Variants in PRDM11 observed in about 807,000 individuals in gnomAD.
PRDM11 encodes PR domain-containing protein 11.
PRDM11 carries 20 observed loss-of-function variants against 97.8 expected under a neutral mutation model. That is an observed-to-expected ratio of 0.20 (90% confidence interval 0.14 to 0.30). The LOEUF is 0.30. PRDM11 is among the 10% of genes least tolerant of loss of function. The pLI is 1.00. For missense variants in PRDM11, 1,139 were observed against 1,555.2 expected, an observed-to-expected ratio of 0.73 and a Z score of 4.50; for synonymous variants, 599 against 637.7, an observed-to-expected ratio of 0.94 and a Z score of 0.91.
At chr11:45,184,466 A>G (rs1852630933) in intron 4 of PRDM11, among the ~76,000 whole-genome samples, 1 of 152,166 alleles carries the variant, frequency 6.6e-6, no homozygotes, top group Non-Finnish European at 1.5e-5. Context: ...GTAGTCGGCA[A>G]TGGTGGAAGA....
At chr11:45,101,609 G>A (rs1301176322) in intron 1 of PRDM11, among the ~76,000 whole-genome samples, 1 of 149,634 alleles carries the variant, frequency 6.7e-6, no homozygotes, top group East Asian at 2.0e-4. Context: ...AGGCGTTCAG[G>A]GCTCAGAGCT....
upstream of PRDM11, among the ~76,000 whole-genome samples, chr11:45,145,737 G>C (rs1025637218): frequency 4.6e-5 from 7 of 152,170 alleles, no homozygotes; most frequent in Admixed American, 3.3e-4. Context: ...GGGAATGGTT[G>C]TCCTGGTTAC....
At chr11:45,189,367 G>T (rs1852826924) in intron 4 of PRDM11, among the ~76,000 whole-genome samples, 1 of 151,496 alleles carries the variant, frequency 6.6e-6, no homozygotes, top group Admixed American at 6.7e-5. Context: ...GTGAAGCCAG[G>T]AATGAAGCTA....
At chr11:45,177,371 A>G (rs1852353883) in intron 1 of PRDM11, among the ~76,000 whole-genome samples, 3 of 152,188 alleles carry the variant, frequency 2.0e-5, no homozygotes, top group South Asian at 4.1e-4. Flanking sequence ...CCTTCCCCCA[A>G]GACTTTTGCT....
rs1399202414 is a variant in PRDM11 at position 45,233,335 on chromosome 11, C to G, written c.*5176C>G. 1 of 152,104 alleles carries G rather than the reference C, an allele frequency of 6.6e-6. No individual in the cohort carries two copies. The allele number at this position is 152,104 out of a possible 1,614,324, so 9.4% of individuals were successfully genotyped here. A position where few individuals can be genotyped will look rare whatever the true frequency, so the allele number is the denominator to read the frequency against. ...GCTGGGTCCCGGCTCGCTCCATGCA[C>G]TTTCTCTCCTTTTCCACAGGCTTGG... On this transcript the variant is annotated 3_prime_UTR_variant, in exon 8 of 8. Transcript: ENST00000683152.
rs916422222 is a variant in PRDM11 at position 45,229,632 on chromosome 11, G to A, written c.*1473G>A. 2 of 152,094 alleles carry A rather than the reference G, an allele frequency of 1.3e-5. No homozygotes were observed. Among genetic ancestry groups the A allele is most frequent in the East Asian group, 1.9e-4 (1 of 5,194 alleles). The allele number at this position is 152,094 out of a possible 1,614,324, so 9.4% of individuals were successfully genotyped here. ...ATGCTCTTTCATTCATTTAACTACCGGTATACCTCGCAAGGGAGTTTTAAA... is the reference window on the plus strand; with the variant it reads ...ATGCTCTTTCATTCATTTAACTACCAGTATACCTCGCAAGGGAGTTTTAAA... On this transcript the variant is annotated 3_prime_UTR_variant, in exon 8 of 8. Coordinates refer to ENST00000683152, the MANE Select transcript of PRDM11 (RefSeq NM_001384648.1).
At chr11:45,163,247 G>C (rs371441282) in intron 1 of PRDM11, among the ~76,000 whole-genome samples, 9 of 152,360 alleles carry the variant, frequency 5.9e-5, no homozygotes, top group African/African-American at 1.9e-4. Context: ...CAGCATGCGT[G>C]CTGACCCTTC....
chr11:45,148,272 G>T (rs1424924221), intron 1 of PRDM11, among the ~76,000 whole-genome samples: 2 of 152,152 alleles, frequency 1.3e-5, no homozygotes, highest in African/African-American at 2.4e-5. Context: ...TCTGACTTTG[G>T]ACTTCACATC....
At chr11:45,197,778 A>G (rs1312764372) in intron 4 of PRDM11, among the ~76,000 whole-genome samples, 1 of 152,112 alleles carries the variant, frequency 6.6e-6, no homozygotes, top group Non-Finnish European at 1.5e-5. Flanking sequence ...AGGACAGAAA[A>G]CCAAACACTG....
At chr11:45,152,527 A>T (rs1168997733) in intron 1 of PRDM11, among the ~76,000 whole-genome samples, 1 of 152,018 alleles carries the variant, frequency 6.6e-6, no homozygotes, top group African/African-American at 2.4e-5. Context: ...GTTCCCAGAG[A>T]GCTGGGTTTT....
rs146339569 is a variant in PRDM11 at position 45,224,833 on chromosome 11, G to A, written c.1359G>A (p.Ser453=). The part of the protein sequence containing the change: ...PPQVLELPEF[S]DPAASESMVS... ...AGGTACTGGAGCTCCCAGAGTTCTC[G>A]GACCCTGCAGGTAAGTTGGTTTGGA... The change falls in exon 7 of 8, where the codon TCG becomes TCA. Residue 453 remains serine (S), a synonymous_variant. Coordinates refer to ENST00000683152, the MANE Select transcript of PRDM11 (RefSeq NM_001384648.1). 23 of 1,613,710 alleles carry A rather than the reference G, an allele frequency of 1.4e-5. No homozygotes were observed. The highest frequency in any genetic ancestry group is 1.7e-5 in the Admixed American group (1 of 59,998).
intron 1 of PRDM11, among the ~76,000 whole-genome samples, chr11:45,118,770 G>A (rs962311812): frequency 6.6e-6 from 1 of 152,088 alleles, no homozygotes; most frequent in African/African-American, 2.4e-5. Flanking sequence ...ATGACAAAAT[G>A]TTTTTCCTCC....
intron 1 of PRDM11, among the ~76,000 whole-genome samples, chr11:45,167,775 ACACACACACACACAC>A (rs1852101661): frequency 6.8e-6 from 1 of 147,486 alleles, no homozygotes; most frequent in African/African-American, 2.6e-5. Flanking sequence ...ACACACACAC[ACACACACACACACAC>A]ACACACACAC....
At chr11:45,179,270 C>G (rs1295070177) in intron 1 of PRDM11, among the ~76,000 whole-genome samples, 1 of 152,102 alleles carries the variant, frequency 6.6e-6, no homozygotes, top group Non-Finnish European at 1.5e-5. Flanking sequence ...TTGAAGCCAC[C>G]CCTTGATGAT....
In PRDM11 at chr11:45,219,121, A is replaced by G. The variant is rs922724202; in HGVS notation, c.555-449A>G. ...CCTTGTCACAGGGGCTATTTCAGCA[A>G]GGCTTTGTGAAATACTGGAAACAGT... On this transcript the variant is annotated intron_variant, in intron 5 of 7. Coordinates refer to ENST00000683152, the MANE Select transcript of PRDM11 (RefSeq NM_001384648.1). This position sits in a 1 kb window ranked among gnomAD's most constrained non-coding sequence, Gnocchi z 4.2. Among the ~76,000 whole-genome samples the G allele has an allele frequency of 1.3e-5, 2 of 152,222 alleles. No individual in the cohort carries two copies. Among genetic ancestry groups the G allele is most frequent in the Admixed American group, 6.5e-5 (1 of 15,286 alleles).
At chr11:45,163,567 C>T (rs1467417423) in intron 1 of PRDM11, among the ~76,000 whole-genome samples, 2 of 152,218 alleles carry the variant, frequency 1.3e-5, no homozygotes. Flanking sequence ...CCCACCTCCA[C>T]TCAGATTTGC....
At chr11:45,216,618 T>C (rs1198117875) in intron 5 of PRDM11, among the ~76,000 whole-genome samples, 1 of 152,200 alleles carries the variant, frequency 6.6e-6, no homozygotes, top group African/African-American at 2.4e-5. Flanking sequence ...GTCAGGGGAA[T>C]GGGTTGTGAT....
Position 45,219,784 on chromosome 11 carries a change from C to CGCCCACCTCTGA in PRDM11, c.742+32_742+43dup. ...TGAGTGCCATGCTCCACATGAGCTG[C>CGCCCACCTCTGA]GCCCACCTCTGAGCCCCAGGGGAGG... is the stretch of plus-strand genomic sequence containing the variant. On this transcript the variant is annotated intron_variant, in intron 6 of 7. Coordinates refer to ENST00000683152, the MANE Select transcript of PRDM11 (RefSeq NM_001384648.1). The surrounding 1 kb of genome is among the most constrained non-coding windows in gnomAD (Gnocchi z 4.2). The CGCCCACCTCTGA allele has an allele frequency of 6.3e-7, 1 of 1,598,960 alleles. No individual in the cohort carries two copies. Among genetic ancestry groups the CGCCCACCTCTGA allele is most frequent in the Admixed American group, 1.7e-5 (1 of 59,086 alleles).
chr11:45,187,684 G>A (rs1184746445), intron 4 of PRDM11, among the ~76,000 whole-genome samples: 1 of 152,172 alleles, frequency 6.6e-6, no homozygotes, highest in Non-Finnish European at 1.5e-5. Flanking sequence ...GGCACAGGGA[G>A]GCAGTGGTTA....
Sources: allele counts gnomAD v4.1 joint callset (sites outside exome capture counted in the v4.1 genomes callset), GRCh38; gene constraint gnomAD v4.1.1; non-coding constraint Gnocchi (gnomAD v3.1); transcripts MANE v1.5; gene names NCBI Gene and HGNC (gene_info 2026-07-23, HGNC 2026-07-21).